Variants in DYNC2I1 observed in about 807,000 individuals in gnomAD.
DYNC2I1 encodes the protein dynein 2 intermediate chain 1.
A neutral mutation model predicts 133.4 loss-of-function variants in DYNC2I1; 89 were observed. That is an observed-to-expected ratio of 0.67 (90% CI 0.56 to 0.80). The LOEUF (loss-of-function observed/expected upper bound fraction) is 0.80, where lower values mean the gene tolerates loss of function less well. Among genes scored for constraint, DYNC2I1 ranks in the 30% least tolerant of loss-of-function variants. DYNC2I1 has a pLI of 0.00. For synonymous variants in DYNC2I1, 504 were observed against 484.3 expected, an observed-to-expected ratio of 1.04 and a Z score of -0.54; for missense variants, 1,291 against 1,314.5, an observed-to-expected ratio of 0.98 and a Z score of 0.28.
intron 23 of DYNC2I1, among the ~76,000 whole-genome samples, chr7:158,939,441 G>T (rs745336510): frequency 6.6e-6 from 1 of 152,050 alleles, no homozygotes; most frequent in Non-Finnish European, 1.5e-5. Context: ...ATGAGATCCC[G>T]TCTCAATAAA....
At chr7:158,868,376 A>G (rs930302521) in intron 1 of DYNC2I1, among the ~76,000 whole-genome samples, 10 of 152,136 alleles carry the variant, frequency 6.6e-5, no homozygotes, top group Admixed American at 6.5e-4. Flanking sequence ...GACACAGAGG[A>G]CTAAGATAGG....
rs1403950650 is a variant in DYNC2I1, at chr7:158,934,496, CCAGTGAAAGTTAATGTCAT to C, written c.2726_2744del (p.Pro909LeufsTer25). ...CAAACCTCAGCAACATGGTATAAGA[CCAGTGAAAGTTAATGTCAT>C]TGATTTTTCACCATTTGGAGAACCA... On this transcript the variant is annotated frameshift_variant, in exon 23 of 25. Transcript: ENST00000407559. LOFTEE classifies it high-confidence loss of function. 1 of 1,571,902 alleles carries C rather than the reference CCAGTGAAAGTTAATGTCAT, an allele frequency of 6.4e-7. No individual in the cohort carries two copies. The highest frequency in any genetic ancestry group is 8.6e-7 in the Non-Finnish European group (1 of 1,157,606).
At chr7:158,922,204 G>A (rs1005541124) in intron 15 of DYNC2I1, among the ~76,000 whole-genome samples, 173 bp from the exon 16 acceptor site, 2 of 152,300 alleles carry the variant, frequency 1.3e-5, no homozygotes, top group South Asian at 4.1e-4. Flanking sequence ...AGAGTGTTGG[G>A]GCATAGGCTG....
At chr7:158,901,713 G>T (rs1351449406) in intron 8 of DYNC2I1, 26 bp from the exon 9 acceptor site, 4 of 1,512,282 alleles carry the variant, frequency 2.6e-6, no homozygotes, top group Non-Finnish European at 3.6e-6. Flanking sequence ...GAATTTTTTG[G>T]TTTTGTGTTT....
At position 158,945,141 on chromosome 7, in the gene DYNC2I1, G is replaced by A. The variant is rs564069964; in HGVS notation, c.3003-440G>A. 2.6e-5 allele frequency among the ~76,000 whole-genome samples: 4 copies of A among 152,130 alleles called. No individual in the cohort carries two copies. Among genetic ancestry groups the A allele is most frequent in the African/African-American group, 7.2e-5 (3 of 41,440 alleles). ...TGATGGAGGTGCTGGTCCCATGGAG[G>A]CCAGGAGTGGAGGGGTCCGGGGCTC... On this transcript the variant is annotated intron_variant, in intron 24 of 24. Transcript: ENST00000407559. This position sits in a 1 kb window ranked among gnomAD's most constrained non-coding sequence, Gnocchi z 4.1.
upstream of DYNC2I1, among the ~76,000 whole-genome samples, chr7:158,855,686 G>A (rs1841177437): frequency 6.6e-6 from 1 of 152,156 alleles, no homozygotes; most frequent in African/African-American, 2.4e-5. Context: ...AAGATGCTGT[G>A]GGTTAAGTTA....
Position 158,914,285 on chromosome 7 carries a change from T to G in DYNC2I1, c.1755T>G (p.Thr585=), listed in dbSNP as rs372205758. ...CTGTAGTTATGCCAAAGATTGATACTCCAAGGTTATGTAGCTTTCTGCGGG... is the reference window on the plus strand; with the variant it reads ...CTGTAGTTATGCCAAAGATTGATACGCCAAGGTTATGTAGCTTTCTGCGGG... ...SDAVVMPKID[T]PRLCSFLRAA... Residue 585 remains threonine (T), a synonymous_variant, in exon 14 of 25, where the codon ACT becomes ACG. Transcript: ENST00000407559. The G allele has an allele frequency of 3.7e-6, 6 of 1,612,836 alleles. No individual in the cohort carries two copies. The African/African-American group carries it at 8.0e-5, about 22-fold the overall frequency.
At chr7:158,843,763 T>G in the DYNC2I1 span, among the ~76,000 whole-genome samples, 2 of 152,020 alleles carry the variant, frequency 1.3e-5, no homozygotes, top group African/African-American at 4.8e-5. Flanking sequence ...CTCAGTAGAT[T>G]TAGGGATTTA....
At chr7:158,932,147 C>T (rs1407662940) in intron 21 of DYNC2I1, among the ~76,000 whole-genome samples, 5 of 152,304 alleles carry the variant, frequency 3.3e-5, no homozygotes, top group Non-Finnish European at 7.4e-5. Context: ...ACATTGCCTG[C>T]AGGGAAGCAG....
At chr7:158,928,581 G>C (rs1175641542) in intron 20 of DYNC2I1, among the ~76,000 whole-genome samples, 1 of 152,168 alleles carries the variant, frequency 6.6e-6, no homozygotes, top group African/African-American at 2.4e-5. Flanking sequence ...TTGAGGTGGA[G>C]TCACCATGTT....
At chr7:158,931,841 G>A (rs1251110521) in intron 21 of DYNC2I1, among the ~76,000 whole-genome samples, 1 of 152,212 alleles carries the variant, frequency 6.6e-6, no homozygotes, top group Non-Finnish European at 1.5e-5. Context: ...AGAAGGAGGC[G>A]GATGAGTAAA....
rs1275459827 is a variant in DYNC2I1, at chr7:158,954,966, T to C, written c.*57-1617T>C. 2.0e-5 allele frequency among the ~76,000 whole-genome samples: 3 copies of C among 149,432 alleles called. No individual in the cohort carries two copies. The East Asian group carries it at 6.3e-4, about 32-fold the overall frequency. On this transcript the variant is annotated intron_variant and NMD_transcript_variant, in intron 4 of 4. Transcript: ENST00000454771. The stretch of plus-strand genomic sequence containing the variant: ...TACTGTTAGTGTCTTTAGACAACCT[T>C]CTCCTCCCTCCAGAGAAAGTGCCCA...
chr7:158,848,855 A>G, the DYNC2I1 span, among the ~76,000 whole-genome samples: 15 of 152,096 alleles, frequency 9.9e-5, no homozygotes, highest in African/African-American at 2.9e-4. Flanking sequence ...ATCGCGAGGC[A>G]GAGCTTGCAG....
At position 158,914,326 on chromosome 7, in the gene DYNC2I1, A is replaced by G. The variant is rs41271217; in HGVS notation, c.1791+5A>G. The G allele has an allele frequency of 0.018, 28,889 of 1,606,608 alleles. 342 individuals are homozygous for G. Among genetic ancestry groups the G allele is most frequent in the Non-Finnish European group, 0.022 (26,040 of 1,175,762 alleles). ...TTTCTGCGGGCTGCTTGTCAGGTAT[A>G]CTCAACCTATATATGTTGTGTTCTC... is the stretch of plus-strand genomic sequence containing the variant. On this transcript the variant is annotated splice_donor_5th_base_variant and intron_variant, in intron 14 of 24. Coordinates refer to ENST00000407559, the MANE Select transcript of DYNC2I1 (RefSeq NM_018051.5).
intron 21 of DYNC2I1, 52 bp from the exon 22 acceptor site, chr7:158,934,077 T>C (rs1439923003): frequency 7.9e-7 from 1 of 1,268,442 alleles, no homozygotes; most frequent in African/African-American, 1.5e-5. Flanking sequence ...CCATCATTAT[T>C]CTTAAGGTTG....
intron 4 of DYNC2I1, among the ~76,000 whole-genome samples, chr7:158,877,757 T>G (rs1240279376): frequency 6.6e-6 from 1 of 152,200 alleles, no homozygotes; most frequent in Non-Finnish European, 1.5e-5. Flanking sequence ...TTTGAGTGTT[T>G]TAGTCACAGA....
chr7:158,925,803 C>T (rs1308041213), intron 17 of DYNC2I1, among the ~76,000 whole-genome samples: 3 of 152,188 alleles, frequency 2.0e-5, no homozygotes, highest in Non-Finnish European at 4.4e-5. Context: ...CTCCGACCTC[C>T]TCTGCCTCCC....
chr7:158,940,574 AC>A, intron 23 of DYNC2I1, among the ~76,000 whole-genome samples: 1 of 152,294 alleles, frequency 6.6e-6, no homozygotes, highest in East Asian at 1.9e-4. Context: ...TCCAGAATAC[AC>A]CATATCTTAG....
intron 4 of DYNC2I1, among the ~76,000 whole-genome samples, chr7:158,953,848 T>G (rs1852125266): frequency 2.0e-5 from 3 of 151,874 alleles, no homozygotes; most frequent in Admixed American, 6.6e-5. Context: ...GCATATATGT[T>G]ATATATATGC....
Sources: gnomAD v4.1 joint callset for allele counts (sites outside exome capture counted in the v4.1 genomes callset) on GRCh38, gnomAD v4.1.1 for gene constraint, Gnocchi (gnomAD v3.1) non-coding constraint, MANE v1.5 for transcripts, NCBI Gene and HGNC (gene_info 2026-07-23, HGNC 2026-07-21) for gene names.